The following ELP4 variants were observed in gnomAD, a reference collection of about 807,000 sequenced individuals.
The protein encoded by ELP4 is elongator acetyltransferase complex subunit 4, also known as elongator complex protein 4.
Under a neutral mutation model 48.9 loss-of-function variants are expected in ELP4, and 51 were observed. That is an observed-to-expected ratio of 1.04 (90% CI 0.83 to 1.32). The LOEUF (loss-of-function observed/expected upper bound fraction) is 1.32. Among genes scored for constraint, ELP4 ranks in the 40% most tolerant of loss-of-function variants. ELP4 has a pLI of 0.00. For missense variants in ELP4, 519 were observed against 514.6 expected (o/e 1.01, Z -0.08); for synonymous variants, 210 against 189.2 (o/e 1.11, Z -0.90).
chr11:31,559,846 C>G (rs546977283), intron 3 of ELP4, among the ~76,000 whole-genome samples: 1 of 148,534 alleles, frequency 6.7e-6, no homozygotes, highest in Non-Finnish European at 1.5e-5. Flanking sequence ...GAGGTTGCGG[C>G]GAGCTGAGAT....
At chr11:31,529,988 A>C (rs1237827491) in intron 2 of ELP4, among the ~76,000 whole-genome samples, 1 of 152,182 alleles carries the variant, frequency 6.6e-6, no homozygotes, top group East Asian at 1.9e-4. Context: ...TGTGCCAGAC[A>C]GGCAATTACA....
chr11:31,672,971 T>A (rs138813002), intron 9 of ELP4, among the ~76,000 whole-genome samples: 174 of 152,228 alleles, frequency 1.1e-3, no homozygotes, highest in African/African-American at 4.0e-3. Flanking sequence ...TTAATAAAAC[T>A]ATAAAGGGAT....
chr11:31,589,162 C>T (rs1207996550), intron 3 of ELP4, among the ~76,000 whole-genome samples: 1 of 152,116 alleles, frequency 6.6e-6, no homozygotes, highest in Non-Finnish European at 1.5e-5. Flanking sequence ...AATTGGCCCA[C>T]TAAGATTGTT....
At chr11:31,681,516 G>T (rs894594280) in intron 9 of ELP4, among the ~76,000 whole-genome samples, 1 of 152,050 alleles carries the variant, frequency 6.6e-6, no homozygotes, top group Non-Finnish European at 1.5e-5. Context: ...TCAATACAGG[G>T]CAAAATATCC....
chr11:31,604,431 T>C (rs1014914689), intron 5 of ELP4, among the ~76,000 whole-genome samples: 2 of 151,978 alleles, frequency 1.3e-5, no homozygotes, highest in Middle Eastern at 3.4e-3. Context: ...TTAAGTGACT[T>C]AGAATTTAGA....
intron 9 of ELP4, among the ~76,000 whole-genome samples, chr11:31,774,454 G>A (rs1322008188): frequency 6.6e-6 from 1 of 152,168 alleles, no homozygotes; most frequent in Admixed American, 6.5e-5. Context: ...GGCCCCAATT[G>A]CCAAATTGTT....
At chr11:31,639,341 A>T (rs1264291963) in intron 7 of ELP4, among the ~76,000 whole-genome samples, 1 of 151,916 alleles carries the variant, frequency 6.6e-6, no homozygotes, top group Non-Finnish European at 1.5e-5. Context: ...ATCAAATTCC[A>T]GTGACTTTGT....
intron 3 of ELP4, among the ~76,000 whole-genome samples, chr11:31,546,515 G>T (rs1956721091): frequency 6.6e-6 from 1 of 152,102 alleles, no homozygotes; most frequent in South Asian, 2.1e-4. Context: ...AAGAGACTTA[G>T]ACTCCCACAC....
chr11:31,718,108 CT>C (rs1340211353), intron 9 of ELP4, among the ~76,000 whole-genome samples: 2 of 152,138 alleles, frequency 1.3e-5, no homozygotes, highest in African/African-American at 4.8e-5. Context: ...CTAAAACTCT[CT>C]TTTCATATGT....
intron 9 of ELP4, among the ~76,000 whole-genome samples, chr11:31,752,564 G>T (rs950215780): frequency 6.6e-6 from 1 of 152,130 alleles, no homozygotes; most frequent in African/African-American, 2.4e-5. Context: ...GCCGGGTGCG[G>T]TGGCTCACGT....
intron 9 of ELP4, among the ~76,000 whole-genome samples, chr11:31,661,566 T>C (rs938284394): frequency 2.6e-5 from 4 of 152,026 alleles, no homozygotes; most frequent in African/African-American, 9.7e-5. Flanking sequence ...TATCTCCCTT[T>C]CCTAGTTCAT....
chr11:31,628,847 A>G (rs1269358885), intron 6 of ELP4, among the ~76,000 whole-genome samples: 2 of 152,118 alleles, frequency 1.3e-5, no homozygotes, highest in African/African-American at 4.8e-5. Flanking sequence ...TATCTGTCTC[A>G]GAAACTTCAG....
intron 3 of ELP4, among the ~76,000 whole-genome samples, chr11:31,590,233 G>C (rs943620269): frequency 6.6e-6 from 1 of 152,080 alleles, no homozygotes; most frequent in African/African-American, 2.4e-5. Flanking sequence ...GCCCTGAATA[G>C]AGCAAGTACT....
At chr11:31,659,443 A>T (rs1006718102) in intron 9 of ELP4, among the ~76,000 whole-genome samples, 1 of 152,178 alleles carries the variant, frequency 6.6e-6, no homozygotes, top group African/African-American at 2.4e-5. Flanking sequence ...ATTTGGCTTC[A>T]ATTTTTTGTC....
chr11:31,723,881 G>C (rs937306019), intron 9 of ELP4, among the ~76,000 whole-genome samples: 1 of 152,138 alleles, frequency 6.6e-6, no homozygotes, highest in African/African-American at 2.4e-5. Flanking sequence ...ATCCTAATTG[G>C]TTGCAGGTAC....
At chr11:31,613,705 T>G (rs566678082) in intron 5 of ELP4, among the ~76,000 whole-genome samples, 172 of 151,352 alleles carry the variant, frequency 1.1e-3, no homozygotes, top group African/African-American at 3.7e-3. Flanking sequence ...ATTTTTATGA[T>G]GAACAAGAGT....
chr11:31,783,067 C>T (rs1007405704), intron 9 of ELP4, among the ~76,000 whole-genome samples: 9 of 152,184 alleles, frequency 5.9e-5, no homozygotes, highest in Non-Finnish European at 2.9e-5. Context: ...ATATTTCCAA[C>T]GTTGCTGTTA....
intron 9 of ELP4, among the ~76,000 whole-genome samples, chr11:31,669,427 G>C (rs1945758373): frequency 6.6e-6 from 1 of 152,082 alleles, no homozygotes; most frequent in African/African-American, 2.4e-5. Flanking sequence ...TTCTGCAATA[G>C]ATCAATCTTG....
chr11:31,770,602 A>G (rs1948121059), intron 9 of ELP4, among the ~76,000 whole-genome samples: 1 of 151,714 alleles, frequency 6.6e-6, no homozygotes, highest in African/African-American at 2.4e-5. Flanking sequence ...AGTAAAAGAT[A>G]CTGCTTTCAG....
Sources: gnomAD v4.1 joint callset for allele counts (sites outside exome capture counted in the v4.1 genomes callset) on GRCh38, gnomAD v4.1.1 for gene constraint, MANE v1.5 for transcripts, NCBI Gene and HGNC (gene_info 2026-07-23, HGNC 2026-07-21) for gene names.